Variants in EIF2B5 observed in about 807,000 individuals in gnomAD.
EIF2B5 encodes translation initiation factor eIF2B subunit epsilon.
In EIF2B5, 38 loss-of-function variants were observed where a neutral mutation model predicts 87.3. The observed-to-expected ratio is 0.44, with a 90% confidence interval of 0.34 to 0.57. The LOEUF (loss-of-function observed/expected upper bound fraction) is 0.57. EIF2B5 is among the 20% of genes least tolerant of loss of function. The pLI, the probability that EIF2B5 is intolerant of heterozygous loss-of-function variation, is 0.02. For missense variants in EIF2B5, 784 were observed against 909.5 expected, an observed-to-expected ratio of 0.86 and a Z score of 1.78; for synonymous variants, 313 against 339.6, an observed-to-expected ratio of 0.92 and a Z score of 0.86.
Position 184,144,927 on chromosome 3 carries a change from C to T in EIF2B5, c.2150C>T (p.Ser717Leu). ...TGGCTAAAAGAGGCAGAAGAGGAGTCATCTGAAGATGACTGAAGTCACACT... is the reference window on the plus strand; with the variant it reads ...TGGCTAAAAGAGGCAGAAGAGGAGTTATCTGAAGATGACTGAAGTCACACT... The part of the protein sequence containing the change: ...IQWLKEAEEE[S>L]SEDD The change falls in exon 16 of 16, where the codon TCA becomes TTA. Residue 717 changes from serine (S) to leucine (L), a missense_variant. Physicochemically the swap from Ser to Leu is moderately radical, Grantham distance 145. Coordinates refer to ENST00000648915, the MANE Select transcript of EIF2B5 (RefSeq NM_003907.3). The T allele has an allele frequency of 6.2e-7, 1 of 1,613,664 alleles. No individual in the cohort carries two copies.
chr3:184,143,810 C>T (rs371502213), intron 13 of EIF2B5: 8 of 675,122 alleles, frequency 1.2e-5, no homozygotes, highest in African/African-American at 9.0e-5. Context: ...TCAGAATGGA[C>T]CTGGACATTC....
intron 13 of EIF2B5, 82 bp downstream of exon 13, chr3:184,143,647 GT>G: frequency 6.2e-7 from 1 of 1,601,744 alleles, no homozygotes; most frequent in East Asian, 2.2e-5. Flanking sequence ...TATATTGGGT[GT>G]ATGTCACTTC....
chr3:184,135,695 TATCCTAAAACCGG>T (rs1713320161), intron 1 of EIF2B5, 115 bp downstream of exon 1: 1 of 1,412,810 alleles, frequency 7.1e-7, no homozygotes, highest in African/African-American at 1.4e-5. Flanking sequence ...TCTATGCTGT[TATCCTAAAACCGG>T]ATGCAGAGGG....
At position 184,144,888 on chromosome 3, in the gene EIF2B5, A is replaced by G; in HGVS notation, c.2111A>G (p.Gln704Arg). The change falls in exon 16 of 16, where the codon CAG (glutamine) becomes CGG (arginine). Residue 704 changes from glutamine to arginine, a missense_variant. Transcript: ENST00000648915. Reference protein sequence around the residue: ...GQQLRKNQQLQRFIQWLKEAE... With the variant: ...GQQLRKNQQLRRFIQWLKEAE... ...CTCTCCTCTGCTTCTTTACAGCTGC[A>G]GAGGTTCATCCAGTGGCTAAAAGAG... 2 of 1,613,726 alleles carry G rather than the reference A, an allele frequency of 1.2e-6. No individual in the cohort carries two copies. The highest frequency in any genetic ancestry group is 2.2e-5 in the South Asian group (2 of 91,012).
chr3:184,135,436 C>G lies in EIF2B5; in HGVS notation c.51C>G (p.Asn17Lys). 6.3e-7 allele frequency: 1 copy of G among 1,582,492 alleles called. No individual in the cohort carries two copies. The highest frequency in any genetic ancestry group is 1.2e-5 in the South Asian group (1 of 86,774). The change falls in exon 1 of 16, where the codon AAC becomes AAG. Residue 17 changes from asparagine (N) to lysine (K), a missense_variant. Around this residue, in one of 3 missense-constraint regions of EIF2B5, gnomAD observed 117 missense variants for 101.0 expected, o/e 1.16. Coordinates refer to ENST00000648915, the MANE Select transcript of EIF2B5 (RefSeq NM_003907.3). ...CTGGTGTGGTGGTTAGTCGGGCTAACAAGCGCAGCGGCGCGGGGCCGGGAG... is the reference window on the plus strand; with the variant it reads ...CTGGTGTGGTGGTTAGTCGGGCTAAGAAGCGCAGCGGCGCGGGGCCGGGAG... ...APPGVVVSRANKRSGAGPGGS... is the reference protein window; with the variant it reads ...APPGVVVSRAKKRSGAGPGGS...
chr3:184,145,105 A>G lies in EIF2B5; in HGVS notation c.*162A>G. The G allele has an allele frequency of 2.8e-6, 2 of 706,312 alleles. No individual in the cohort carries two copies. Among genetic ancestry groups the G allele is most frequent in the Admixed American group, 2.1e-5 (1 of 48,718 alleles). The allele number at this position is 706,312 out of a possible 1,614,324, so 43.8% of individuals were successfully genotyped here. Reference sequence around the variant, plus strand: ...AGTATTCTTTCCCCTGCTAGCAACCATGTGCCTCCCATCCTGACTGTGGAG... The same window carrying G: ...AGTATTCTTTCCCCTGCTAGCAACCGTGTGCCTCCCATCCTGACTGTGGAG... On this transcript the variant is annotated 3_prime_UTR_variant, in exon 16 of 16. Coordinates refer to ENST00000648915, the MANE Select transcript of EIF2B5 (RefSeq NM_003907.3). The surrounding 1 kb of genome is among the most constrained non-coding windows in gnomAD (Gnocchi z 4.0).
chr3:184,139,318 G>T (rs1713515888), intron 5 of EIF2B5, among the ~76,000 whole-genome samples: 1 of 76,154 alleles, frequency 1.3e-5, no homozygotes, highest in Non-Finnish European at 2.3e-5. Context: ...TTTCACTCTT[G>T]TTGCCCAGGC....
rs1371821654 is a variant in EIF2B5 at position 184,140,774 on chromosome 3, A to T, written c.1156+44A>T. On this transcript the variant is annotated intron_variant, in intron 7 of 15. Transcript: ENST00000648915. ...TCAAGCCAACTATCCTAGGAACAGGAACCTGGGGGGGCCACGTCTCCAGAA... is the reference window on the plus strand; with the variant it reads ...TCAAGCCAACTATCCTAGGAACAGGTACCTGGGGGGGCCACGTCTCCAGAA... 1.9e-6 allele frequency: 3 copies of T among 1,608,040 alleles called. No homozygotes were observed. In the South Asian group the frequency reaches 3.3e-5, roughly 18 times the overall value.
rs746008885 is a variant in EIF2B5 at position 184,136,694 on chromosome 3, T to C, written c.278T>C (p.Val93Ala). 5.0e-6 allele frequency: 8 copies of C among 1,614,198 alleles called. No individual in the cohort carries two copies. The highest frequency in any genetic ancestry group is 4.0e-5 in the African/African-American group (3 of 75,046). Residue 93 changes from valine to alanine, a missense_variant, in exon 2 of 16, where the codon GTC becomes GCC. By Grantham distance (64) the Val-to-Ala change is moderately conservative (BLOSUM62 0). Coordinates refer to ENST00000648915, the MANE Select transcript of EIF2B5 (RefSeq NM_003907.3). ...GCCACAGGTGTACAGGAAACATTTG[T>C]CTTTTGTTGCTGGAAAGCTGCTCAA... ...LTATGVQETF[V>A]FCCWKAAQIK...
Position 184,142,090 on chromosome 3 carries a change from G to T in EIF2B5, c.1302+20G>T. On this transcript the variant is annotated intron_variant, in intron 8 of 15. Transcript: ENST00000648915. The surrounding 1 kb of genome is among the most constrained non-coding windows in gnomAD (Gnocchi z 5.0). ...TCCCAGGTGAGACCTGATCTATACT[G>T]TGCACAGGCCCTGAATTGCATGGCA... 2.5e-6 allele frequency: 4 copies of T among 1,614,116 alleles called. No homozygotes were observed. Among genetic ancestry groups the T allele is most frequent in the Non-Finnish European group, 3.4e-6 (4 of 1,180,038 alleles).
chr3:184,143,208 G>A, intron 12 of EIF2B5, 66 bp downstream of exon 12: 1 of 1,564,752 alleles, frequency 6.4e-7, no homozygotes, highest in Non-Finnish European at 8.7e-7. Flanking sequence ...TCTCGTAAGT[G>A]TTTTGTCTCC....
chr3:184,143,737 T>G, intron 13 of EIF2B5, 172 bp downstream of exon 13: 2 of 947,362 alleles, frequency 2.1e-6, no homozygotes, highest in Non-Finnish European at 3.2e-6. Context: ...CAGATTGAGT[T>G]CAATACTGAC....
chr3:184,136,100 G>C (rs1050045575), intron 1 of EIF2B5: 2 of 231,310 alleles, frequency 8.6e-6, no homozygotes, highest in African/African-American at 4.6e-5. Flanking sequence ...TCTAGACAAT[G>C]GGGTATTGGA....
In EIF2B5 at chr3:184,142,336, G is replaced by A; in HGVS notation, c.1402G>A (p.Asp468Asn). Residue 468 changes from aspartate to asparagine, a missense_variant, in exon 9 of 16, where the codon GAT (aspartate) becomes AAT (asparagine). Physicochemically the swap from Asp to Asn is conservative, Grantham distance 23 (BLOSUM62 1). Coordinates refer to ENST00000648915, the MANE Select transcript of EIF2B5 (RefSeq NM_003907.3). This position sits in a 1 kb window ranked among gnomAD's most constrained non-coding sequence, Gnocchi z 5.0. ...TGAAGATGATGGCGAGTTCAGTGAT[G>A]ATTCTGGGGCTGACCAAGAAAAGGA... ...EDEDDGEFSDDSGADQEKDKV... is the reference protein window; with the variant it reads ...EDEDDGEFSDNSGADQEKDKV... The A allele has an allele frequency of 3.7e-6, 6 of 1,614,158 alleles. No individual in the cohort carries two copies. Among genetic ancestry groups the A allele is most frequent in the Non-Finnish European group, 5.1e-6 (6 of 1,180,020 alleles).
chr3:184,136,800 G>A, intron 2 of EIF2B5, 64 bp downstream of exon 2: 5 of 1,609,726 alleles, frequency 3.1e-6, no homozygotes, highest in Non-Finnish European at 4.2e-6. Flanking sequence ...CAGGATGAAT[G>A]TAACTAAGGG....
chr3:184,138,076 G>A lies in EIF2B5; in HGVS notation c.684+1G>A. ...TCTCCGGCGTTTTGCATTTCCTCTG[G>A]TGTGTGGATATCTGGGGTCCTTTGA... On this transcript the variant is annotated splice_donor_variant, in intron 4 of 15. Transcript: ENST00000648915. LOFTEE classifies it high-confidence loss of function. The A allele has an allele frequency of 6.2e-7, 1 of 1,614,162 alleles. No homozygotes were observed. Among genetic ancestry groups the A allele is most frequent in the Non-Finnish European group, 8.5e-7 (1 of 1,180,048 alleles).
Position 184,142,355 on chromosome 3 carries a change from A to G in EIF2B5, c.1421A>G (p.Glu474Gly). ...EFSDDSGADQ[E>G]KDKVKMKGYN... Reference sequence around the variant, plus strand: ...AGTGATGATTCTGGGGCTGACCAAGAAAAGGACAAAGTGAAGATGAAAGGT... The same window carrying G: ...AGTGATGATTCTGGGGCTGACCAAGGAAAGGACAAAGTGAAGATGAAAGGT... The change falls in exon 9 of 16, where the codon GAA (glutamate) becomes GGA (glycine). Residue 474 changes from glutamate (E) to glycine (G), a missense_variant. This residue lies in a region of EIF2B5 where 660 missense variants were observed against 789.5 expected (regional missense o/e 0.84). Coordinates refer to ENST00000648915, the MANE Select transcript of EIF2B5 (RefSeq NM_003907.3). The surrounding 1 kb of genome is among the most constrained non-coding windows in gnomAD (Gnocchi z 5.0). The G allele has an allele frequency of 6.2e-7, 1 of 1,614,168 alleles. No individual in the cohort carries two copies. Among genetic ancestry groups the G allele is most frequent in the Non-Finnish European group, 8.5e-7 (1 of 1,180,028 alleles).
At chr3:184,140,753 G>T (rs776562823) in intron 7 of EIF2B5, 23 bp downstream of exon 7, 2 of 1,613,192 alleles carry the variant, frequency 1.2e-6, no homozygotes, top group Non-Finnish European at 1.7e-6. Context: ...GGGGAATCAA[G>T]CCAACTATCC....
chr3:184,135,605 C>T (rs1457564745), intron 1 of EIF2B5, 25 bp downstream of exon 1: 1 of 1,571,324 alleles, frequency 6.4e-7, no homozygotes, highest in Non-Finnish European at 8.6e-7. Context: ...CGCGAGCAGC[C>T]AGAGGGCAGG....
Sources: allele counts gnomAD v4.1 joint callset (sites outside exome capture counted in the v4.1 genomes callset), GRCh38; gene constraint gnomAD v4.1.1; regional missense constraint gnomAD v4.1.1; non-coding constraint Gnocchi (gnomAD v3.1); transcripts MANE v1.5; gene names NCBI Gene and HGNC (gene_info 2026-07-23, HGNC 2026-07-21).